The following KANK1 variants were observed in gnomAD, a reference collection of about 807,000 sequenced individuals.
KANK1 encodes KN motif and ankyrin repeat domains 1, also known as KN motif and ankyrin repeat domain-containing protein 1.
KANK1 carries 109 observed loss-of-function variants against 106.2 expected under a neutral mutation model. The observed-to-expected ratio is 1.03, with a 90% CI of 0.88 to 1.20. The LOEUF (loss-of-function observed/expected upper bound fraction) is 1.20, where lower values mean the gene tolerates loss of function less well. Ranked by LOEUF, KANK1 falls within the 50% of genes most tolerant of loss-of-function variation. The probability of loss-of-function intolerance (pLI) is 0.00; values close to 1 mark genes in which losing one functional copy is unlikely to be tolerated. For missense variants in KANK1, 2,399 were observed against 1,710.7 expected (o/e 1.40, Z -7.10); for synonymous variants, 873 against 652.2 (o/e 1.34, Z -5.16).
intron 1 of KANK1, among the ~76,000 whole-genome samples, chr9:624,003 TAAAG>T (rs1014319562): frequency 2.0e-5 from 3 of 152,106 alleles, no homozygotes. Flanking sequence ...TAGGAATGGT[TAAAG>T]AAAATGTGGT....
chr9:510,025 G>A (rs952321671), intron 1 of KANK1, among the ~76,000 whole-genome samples: 5 of 151,380 alleles, frequency 3.3e-5, no homozygotes, highest in African/African-American at 7.3e-5. Flanking sequence ...TTGTCCAGGC[G>A]GGTCTCAAAC....
chr9:525,955 C>T (rs2059772063), intron 1 of KANK1, among the ~76,000 whole-genome samples: 1 of 151,658 alleles, frequency 6.6e-6, no homozygotes, highest in Non-Finnish European at 1.5e-5. Flanking sequence ...CAGTTTGTTT[C>T]TGAAATTTGG....
intron 1 of KANK1, among the ~76,000 whole-genome samples, chr9:509,841 G>A (rs554823146): frequency 6.6e-6 from 1 of 152,212 alleles, no homozygotes; most frequent in South Asian, 2.1e-4. Context: ...GTGTCACCCA[G>A]GCTGGAGTGC....
At chr9:588,105 C>T (rs1823961248) in intron 1 of KANK1, among the ~76,000 whole-genome samples, 1 of 151,662 alleles carries the variant, frequency 6.6e-6, no homozygotes, top group Admixed American at 6.6e-5. Context: ...ATGACTTGCC[C>T]ATGTTCACAT....
intron 1 of KANK1, among the ~76,000 whole-genome samples, chr9:616,568 T>C (rs187571808): frequency 6.6e-4 from 100 of 152,336 alleles, no homozygotes; most frequent in Non-Finnish European, 2.4e-4. Flanking sequence ...CTGAATACTT[T>C]ATATCCTCTA....
chr9:590,024 G>C (rs1824450776), intron 1 of KANK1, among the ~76,000 whole-genome samples: 1 of 152,062 alleles, frequency 6.6e-6, no homozygotes, highest in Non-Finnish European at 1.5e-5. Flanking sequence ...CACAGGAGCA[G>C]TATTAGGATG....
intron 2 of KANK1, among the ~76,000 whole-genome samples, chr9:705,015 AAAGAG>A (rs1428827867): frequency 4.0e-5 from 6 of 150,144 alleles, no homozygotes; most frequent in Non-Finnish European, 7.4e-5. Context: ...AAAAAAAAAA[AAAGAG>A]CAATACCCAC....
At chr9:551,333 T>C (rs2061269802) in intron 1 of KANK1, among the ~76,000 whole-genome samples, 1 of 151,966 alleles carries the variant, frequency 6.6e-6, no homozygotes. Context: ...CCAGAGTCAA[T>C]CTACTAGTTT....
chr9:595,841 G>T (rs1826080435), intron 1 of KANK1, among the ~76,000 whole-genome samples: 2 of 151,862 alleles, frequency 1.3e-5, no homozygotes, highest in Admixed American at 1.3e-4. Context: ...GATTTATGAT[G>T]ATAGATAGAA....
chr9:650,361 A>G (rs551511066), intron 1 of KANK1, among the ~76,000 whole-genome samples: 1 of 152,314 alleles, frequency 6.6e-6, no homozygotes, highest in East Asian at 1.9e-4. Context: ...TTTTAGTGCG[A>G]TTCCTCTTTT....
At chr9:642,635 T>C (rs1838734053) in intron 1 of KANK1, among the ~76,000 whole-genome samples, 1 of 150,880 alleles carries the variant, frequency 6.6e-6, no homozygotes, top group African/African-American at 2.5e-5. Flanking sequence ...TCCCCTCCTT[T>C]GAGTGGGAGA....
rs1837069536 is a variant in KANK1, at chr9:746,002, C to G, written c.*767C>G. The G allele has an allele frequency of 1.3e-5, 2 of 152,648 alleles. No homozygotes were observed. Among genetic ancestry groups the G allele is most frequent in the Non-Finnish European group, 2.9e-5 (2 of 68,040 alleles). 9.5% of individuals were successfully genotyped at this position (152,648 alleles called of 1,614,324 possible). On this transcript the variant is annotated 3_prime_UTR_variant, in exon 12 of 12. Coordinates refer to ENST00000382297, the MANE Select transcript of KANK1 (RefSeq NM_015158.5). ...AGTGTTCTCTTTGTATTTATGGATTCCTTTTTACCGTGTCACATTTACTTT... is the reference window on the plus strand; with the variant it reads ...AGTGTTCTCTTTGTATTTATGGATTGCTTTTTACCGTGTCACATTTACTTT...
At chr9:557,960 G>T (rs188682900) in intron 1 of KANK1, among the ~76,000 whole-genome samples, 1 of 152,030 alleles carries the variant, frequency 6.6e-6, no homozygotes, top group Non-Finnish European at 1.5e-5. Context: ...AGCTATGATC[G>T]CGCCACTGCA....
At chr9:721,614 T>C (rs1203729008) in intron 3 of KANK1, among the ~76,000 whole-genome samples, 1 of 152,226 alleles carries the variant, frequency 6.6e-6, no homozygotes, top group African/African-American at 2.4e-5. Flanking sequence ...TGACTCCAGC[T>C]TTGTCCACTT....
chr9:738,377 T>C lies in KANK1; in HGVS notation c.3426T>C (p.Ala1142=), dbSNP rs1386290796. 1 of 1,614,046 alleles carries C rather than the reference T, an allele frequency of 6.2e-7. No individual in the cohort carries two copies. The highest frequency in any genetic ancestry group is 1.7e-5 in the Admixed American group (1 of 60,000). The part of the protein sequence containing the change: ...IPAMVGDYIA[A]FEAISPDVLR... ...CCATGGTGGGGGACTACATAGCTGCTTTTGAGGCCATTTCCCCAGATGTCC... is the reference window on the plus strand; with the variant it reads ...CCATGGTGGGGGACTACATAGCTGCCTTTGAGGCCATTTCCCCAGATGTCC... Residue 1142 remains alanine, a synonymous_variant, in exon 8 of 12, where the codon GCT becomes GCC. Transcript: ENST00000382297.
At chr9:684,315 GTGCTC>G (rs1489700737) in intron 2 of KANK1, 1 of 985,298 alleles carries the variant, frequency 1.0e-6, no homozygotes, top group Non-Finnish European at 1.2e-6. Context: ...AGAAAAATCT[GTGCTC>G]CTGCTCCTGG....
Position 689,642 on chromosome 9 carries a change from G to T in KANK1, c.37+12633G>T, listed in dbSNP as rs1372993410. 1.3e-5 allele frequency among the ~76,000 whole-genome samples: 2 copies of T among 152,192 alleles called. 1 individual carries two copies. The highest frequency in any genetic ancestry group is 3.9e-4 in the East Asian group (2 of 5,188). ...GACTATGAAAGAGATGGGTGGAGAAGAGCCTTGGTGCTGTGGAAAGGGCCA... is the reference window on the plus strand; with the variant it reads ...GACTATGAAAGAGATGGGTGGAGAATAGCCTTGGTGCTGTGGAAAGGGCCA... On this transcript the variant is annotated intron_variant, in intron 2 of 11. Coordinates refer to ENST00000382297, the MANE Select transcript of KANK1 (RefSeq NM_015158.5).
At chr9:588,174 AGT>A (rs2067509180) in intron 1 of KANK1, among the ~76,000 whole-genome samples, 1 of 152,036 alleles carries the variant, frequency 6.6e-6, no homozygotes, top group Non-Finnish European at 1.5e-5. Context: ...AGCCCATATC[AGT>A]GGGCTTTTTT....
intron 2 of KANK1, among the ~76,000 whole-genome samples, chr9:690,298 T>A (rs978679269): frequency 1.4e-5 from 2 of 142,666 alleles, no homozygotes; most frequent in Non-Finnish European, 3.0e-5. Context: ...GGAGCGAGAC[T>A]CTGTCTCAAA....
Sources: allele counts gnomAD v4.1 joint callset (sites outside exome capture counted in the v4.1 genomes callset), GRCh38; gene constraint gnomAD v4.1.1; transcripts MANE v1.5; gene names NCBI Gene and HGNC (gene_info 2026-07-23, HGNC 2026-07-21).